Variants in SEC16A observed in about 807,000 individuals in gnomAD.
The protein encoded by SEC16A is SEC16 homolog A, endoplasmic reticulum export factor.
SEC16A carries 110 observed loss-of-function variants against 221.9 expected under a neutral mutation model. The ratio of observed to expected loss-of-function variants is 0.50; its 90% CI spans 0.42 to 0.58. SEC16A has a LOEUF of 0.58. SEC16A is among the 20% of genes least tolerant of loss of function. SEC16A has a pLI of 0.00. For missense variants in SEC16A, 3,165 were observed against 3,097.8 expected (o/e 1.02, Z -0.52); for synonymous variants, 1,393 against 1,257.7 (o/e 1.11, Z -2.28).
At chr9:136,478,995 AC>A (rs1841996157) in intron 1 of SEC16A, among the ~76,000 whole-genome samples, 165 bp from the exon 2 acceptor site, 1 of 152,162 alleles carries the variant, frequency 6.6e-6, no homozygotes, top group African/African-American at 2.4e-5. Flanking sequence ...GCAAGATGTT[AC>A]CTTTGAACTG....
chr9:136,468,359 G>T, intron 5 of SEC16A, 56 bp downstream of exon 5: 2 of 1,088,250 alleles, frequency 1.8e-6, no homozygotes, highest in Non-Finnish European at 1.4e-6. Flanking sequence ...CATGTCATCA[G>T]TGTCTTTTGC....
chr9:136,471,906 C>T, intron 4 of SEC16A, 69 bp downstream of exon 4: 4 of 1,562,992 alleles, frequency 2.6e-6, no homozygotes, highest in East Asian at 2.3e-5. Context: ...CTAAGTTATC[C>T]CCATAGCAAG....
intron 2 of SEC16A, among the ~76,000 whole-genome samples, 129 bp downstream of exon 2, chr9:136,478,580 A>T (rs1589021493): frequency 6.6e-6 from 1 of 152,172 alleles, no homozygotes; most frequent in East Asian, 1.9e-4. Context: ...TCATGCCTGT[A>T]ATCCCAGCAC....
At chr9:136,463,835 A>G in intron 9 of SEC16A, 95 bp from the exon 10 acceptor site, 2 of 1,382,990 alleles carry the variant, frequency 1.4e-6, no homozygotes, top group South Asian at 2.3e-5. Context: ...CCGTGAGAGG[A>G]GAGGATGGCA....
At chr9:136,480,167 G>C (rs745318289) in intron 1 of SEC16A, among the ~76,000 whole-genome samples, 5 of 152,136 alleles carry the variant, frequency 3.3e-5, no homozygotes, top group Non-Finnish European at 5.9e-5. Context: ...ATCTTCCTCT[G>C]ATCTGTGCAC....
chr9:136,454,582 G>C (rs1838342103), intron 20 of SEC16A, among the ~76,000 whole-genome samples: 1 of 152,196 alleles, frequency 6.6e-6, no homozygotes, highest in African/African-American at 2.4e-5. Flanking sequence ...CGGGCTCCAG[G>C]GCCCGGCCCA....
Position 136,467,058 on chromosome 9 carries a change from G to A in SEC16A, c.3828C>T (p.His1276=), listed in dbSNP as rs748443216. Residue 1276 remains histidine, a synonymous_variant, in exon 6 of 32, where the codon CAC becomes CAT. Transcript: ENST00000684901. ...GGGGGTCCCTGACTCTAGCACTGTA[G>A]TGGTAACGATCCCAGTGACCTGGAT... The part of the protein sequence containing the change: ...YGDPGHWDRY[H]YSARVRDPRT... 1 of 1,613,924 alleles carries A rather than the reference G, an allele frequency of 6.2e-7. No homozygotes were observed. Among genetic ancestry groups the A allele is most frequent in the Non-Finnish European group, 8.5e-7 (1 of 1,179,872 alleles).
chr9:136,451,398 C>T lies in SEC16A; in HGVS notation c.6170G>A (p.Arg2057Lys), dbSNP rs1837788802. 6.2e-7 allele frequency: 1 copy of T among 1,605,194 alleles called. No homozygotes were observed. The highest frequency in any genetic ancestry group is 1.3e-5 in the African/African-American group (1 of 74,392). ...GGGGGCCTCCGAGTCTGGCACCGTC[C>T]TCGAGGGGGTCTGTCGCAAGGAAAT... ...DGKFANLTPS[R>K]TVPDSEAPPG... The change falls in exon 23 of 32, where the codon AGG (arginine) becomes AAG (lysine). Residue 2057 changes from arginine to lysine, a missense_variant. This residue lies in a region of SEC16A where 1,088 missense variants were observed against 1,089.6 expected (regional missense o/e 1.00). Transcript: ENST00000684901.
rs974640840 is a variant in SEC16A at position 136,456,192 on chromosome 9, C to T, written c.5551-26G>A. 4.5e-6 allele frequency: 7 copies of T among 1,564,304 alleles called. No homozygotes were observed. The African/African-American group carries it at 9.5e-5, about 21-fold the overall frequency. ...CTAGACACGGGCAAAAATCAAAGGC[C>T]CCTGTCACCACCGGGTGATGGCAAG... On this transcript the variant is annotated intron_variant, in intron 18 of 31. Coordinates refer to ENST00000684901, the MANE Select transcript of SEC16A (RefSeq NM_014866.2).
In SEC16A at chr9:136,477,039, C is replaced by T; in HGVS notation, c.577G>A (p.Asp193Asn). The T allele has an allele frequency of 6.2e-7, 1 of 1,613,742 alleles. No homozygotes were observed. Among genetic ancestry groups the T allele is most frequent in the Non-Finnish European group, 8.5e-7 (1 of 1,179,886 alleles). The change falls in exon 3 of 32, where the codon GAC becomes AAC. Residue 193 changes from aspartate to asparagine, a missense_variant. Physicochemically the swap from Asp to Asn is conservative, Grantham distance 23. This residue lies in a region of SEC16A where 2,030 missense variants were observed against 1,923.1 expected (regional missense o/e 1.06). Transcript: ENST00000684901. The stretch of plus-strand genomic sequence containing the variant: ...GATGCTGCTGGGGTGACCACACCGT[C>T]ATGTGGGTTTTGCCTGCTCAGGGGT... ...DRPLSRQNPHDGVVTPAASPS... is the reference protein window; with the variant it reads ...DRPLSRQNPHNGVVTPAASPS...
intron 1 of SEC16A, among the ~76,000 whole-genome samples, 191 bp downstream of exon 1, chr9:136,482,747 G>T (rs1842558706): frequency 6.6e-6 from 1 of 151,752 alleles, no homozygotes; most frequent in African/African-American, 2.4e-5. Context: ...CCGGCCTTCC[G>T]CTCTGGCCCG....
rs755859057 is a variant in SEC16A, at chr9:136,466,393, A to C, written c.3999T>G (p.Asp1333Glu). 14 of 1,604,046 alleles carry C rather than the reference A, an allele frequency of 8.7e-6. No individual in the cohort carries two copies. In the Admixed American group the frequency reaches 2.4e-4, roughly 27 times the overall value. Residue 1333 changes from aspartate (D) to glutamate (E), a missense_variant, in exon 7 of 32, where the codon GAT becomes GAG. Asp to Glu is a conservative substitution (Grantham distance 45). Transcript: ENST00000684901. The surrounding 1 kb of genome is among the most constrained non-coding windows in gnomAD (Gnocchi z 5.5). ...RFTGSFDDDP[D>E]PHRDPYGEEV... is the part of the protein sequence containing the mutation. Reference sequence around the variant, plus strand: ...CTTCCCCATAAGGGTCTCTGTGCGGATCGGGGTCATCGTCAAAACTCCCCG... The same window carrying C: ...CTTCCCCATAAGGGTCTCTGTGCGGCTCGGGGTCATCGTCAAAACTCCCCG...
At chr9:136,455,264 C>T (rs1442754929) in intron 20 of SEC16A, among the ~76,000 whole-genome samples, 24 of 152,236 alleles carry the variant, frequency 1.6e-4, no homozygotes, top group East Asian at 1.2e-3. Context: ...GGGGCACAGC[C>T]GAGGGCGCCG....
At chr9:136,483,690 C>G, upstream of SEC16A, 1 of 985,540 alleles carries the variant, frequency 1.0e-6, no homozygotes. Flanking sequence ...TGCCAGCAGG[C>G]TCACGCACCG....
chr9:136,464,633 G>A (rs1236239484), intron 8 of SEC16A, 71 bp from the exon 9 acceptor site: 1 of 1,348,110 alleles, frequency 7.4e-7, no homozygotes, highest in Non-Finnish European at 1.0e-6. Context: ...GATTTTCAAT[G>A]TGCTCACACA....
chr9:136,481,537 C>T (rs879409282), intron 1 of SEC16A, among the ~76,000 whole-genome samples: 2 of 152,220 alleles, frequency 1.3e-5, no homozygotes, highest in Admixed American at 1.3e-4. Context: ...CCTAGCTAGT[C>T]AGTTAAACTG....
upstream of SEC16A, chr9:136,484,302 T>C: frequency 9.6e-7 from 1 of 1,036,614 alleles, no homozygotes; most frequent in Non-Finnish European, 1.2e-6. Flanking sequence ...GTGAGGCGGG[T>C]AGGCGCTCCT....
In SEC16A at chr9:136,468,524, C is replaced by T. The variant is rs371434310; in HGVS notation, c.3705-12G>A. 1.9e-6 allele frequency: 3 copies of T among 1,548,058 alleles called. No individual in the cohort carries two copies. Among genetic ancestry groups the T allele is most frequent in the African/African-American group, 2.7e-5 (2 of 73,588 alleles). ...CAGGATATCCTTGCCTGAAAAAACA[C>T]ACAGTGCTGTTAAAACACAAATTAC... On this transcript the variant is annotated splice_polypyrimidine_tract_variant and intron_variant, in intron 4 of 31. Coordinates refer to ENST00000684901, the MANE Select transcript of SEC16A (RefSeq NM_014866.2).
At chr9:136,467,633 A>C (rs1840321228) in intron 5 of SEC16A, among the ~76,000 whole-genome samples, 1 of 152,256 alleles carries the variant, frequency 6.6e-6, no homozygotes, top group Admixed American at 6.5e-5. Flanking sequence ...AGGTTACTTT[A>C]AAAGGGCTCT....
Sources: gnomAD v4.1 joint callset for allele counts (sites outside exome capture counted in the v4.1 genomes callset) on GRCh38, gnomAD v4.1.1 for gene constraint, gnomAD v4.1.1 regional missense constraint, Gnocchi (gnomAD v3.1) non-coding constraint, MANE v1.5 for transcripts, NCBI Gene and HGNC (gene_info 2026-07-23, HGNC 2026-07-21) for gene names.